Variants in PPTC7 observed in about 807,000 individuals in gnomAD.
PPTC7 encodes protein phosphatase targeting COQ7.
Under a neutral mutation model 30.8 loss-of-function variants are expected in PPTC7, and 6 were observed. The observed-to-expected ratio is 0.19, with a 90% confidence interval of 0.11 to 0.38. The LOEUF (loss-of-function observed/expected upper bound fraction) is 0.38, where lower values mean the gene tolerates loss of function less well. PPTC7 is among the 10% of genes least tolerant of loss of function. The probability of loss-of-function intolerance (pLI) is 1.00; values close to 1 mark genes in which losing one functional copy is unlikely to be tolerated. For missense variants in PPTC7, 218 were observed against 404.8 expected (o/e 0.54, Z 3.96); for synonymous variants, 163 against 168.1 (o/e 0.97, Z 0.23).
chr12:110,547,583 T>C (rs1483075550), intron 2 of PPTC7, among the ~76,000 whole-genome samples: 2 of 152,080 alleles, frequency 1.3e-5, no homozygotes, highest in Admixed American at 1.3e-4. Context: ...CAAAAAAAGA[T>C]GATGTCAAAA....
intron 3 of PPTC7, among the ~76,000 whole-genome samples, chr12:110,545,373 G>GT (rs1182421880): frequency 6.6e-6 from 1 of 152,180 alleles, no homozygotes; most frequent in African/African-American, 2.4e-5. Flanking sequence ...GATTACAGGC[G>GT]TGAGTCACCG....
intron 3 of PPTC7, among the ~76,000 whole-genome samples, chr12:110,543,989 CTG>C (rs1283984614): frequency 6.6e-6 from 1 of 152,210 alleles, no homozygotes; most frequent in African/African-American, 2.4e-5. Context: ...TCTCCAAAAA[CTG>C]TGATCTGAGC....
chr12:110,582,284 T>G (rs2064644022), intron 1 of PPTC7, among the ~76,000 whole-genome samples: 1 of 151,814 alleles, frequency 6.6e-6, no homozygotes, highest in African/African-American at 2.4e-5. Context: ...CCGAAAAGGG[T>G]GAAGATTTGG....
intron 1 of PPTC7, 118 bp from the exon 2 acceptor site, chr12:110,552,086 A>G (rs1383150983): frequency 1.3e-6 from 1 of 756,526 alleles, no homozygotes; most frequent in African/African-American, 1.8e-5. Flanking sequence ...CATTCACTCC[A>G]AAATTCAGAA....
chr12:110,548,293 T>G (rs1364139916), intron 2 of PPTC7, among the ~76,000 whole-genome samples: 1 of 152,216 alleles, frequency 6.6e-6, no homozygotes, highest in African/African-American at 2.4e-5. Flanking sequence ...TCATGGGTAA[T>G]TTTTATTATT....
At chr12:110,549,860 G>A (rs572450777) in intron 2 of PPTC7, among the ~76,000 whole-genome samples, 7 of 152,246 alleles carry the variant, frequency 4.6e-5, no homozygotes, top group Middle Eastern at 3.4e-3. Flanking sequence ...GCAGTCCCCT[G>A]GAATCTGTGT....
intron 1 of PPTC7, among the ~76,000 whole-genome samples, chr12:110,571,258 G>A (rs2064534243): frequency 6.6e-6 from 1 of 151,736 alleles, no homozygotes; most frequent in African/African-American, 2.4e-5. Flanking sequence ...ATCTAATCAA[G>A]CTATTTCAAA....
intron 3 of PPTC7, among the ~76,000 whole-genome samples, chr12:110,543,761 G>C (rs1288675048): frequency 6.6e-6 from 1 of 152,170 alleles, no homozygotes; most frequent in Non-Finnish European, 1.5e-5. Context: ...ATACTGTGCT[G>C]CTGGAAACTT....
intron 1 of PPTC7, among the ~76,000 whole-genome samples, chr12:110,562,511 C>T (rs774729652): frequency 6.6e-6 from 1 of 151,886 alleles, no homozygotes; most frequent in Non-Finnish European, 1.5e-5. Context: ...AAGAAGTTTC[C>T]GGCCCAGTGC....
rs761060104 is a variant in PPTC7, at chr12:110,539,906, T to C, written c.642A>G (p.Leu214=). The C allele has an allele frequency of 2.3e-5, 37 of 1,614,006 alleles. No individual in the cohort carries two copies. The African/African-American group carries it at 4.1e-4, about 18-fold the overall frequency. Reference sequence around the variant, plus strand: ...CTGTTGCCGTCAGGATAATGTCTCCTAGCTGGACATCGAAAGACGTGCTAT... The same window carrying C: ...CTGTTGCCGTCAGGATAATGTCTCCCAGCTGGACATCGAAAGACGTGCTAT... ...AADSTSFDVQ[L]GDIILTATDG... Residue 214 remains leucine (L), a synonymous_variant, in exon 4 of 6, where the codon CTA becomes CTG. Coordinates refer to ENST00000354300, the MANE Select transcript of PPTC7 (RefSeq NM_139283.2).
intron 4 of PPTC7, among the ~76,000 whole-genome samples, chr12:110,539,344 C>G (rs1284712514): frequency 2.6e-5 from 4 of 152,316 alleles, no homozygotes; most frequent in Non-Finnish European, 5.9e-5. Context: ...AGTATGTTCA[C>G]AAAGCCAGGA....
chr12:110,542,673 CAAAAAA>C (rs765332697), intron 3 of PPTC7, among the ~76,000 whole-genome samples: 19 of 26,790 alleles, frequency 7.1e-4, no homozygotes, highest in Middle Eastern at 0.026. Context: ...GACTCTGTCT[CAAAAAA>C]AAAAAAAAAA....
At chr12:110,580,814 C>T (rs1224556555) in intron 1 of PPTC7, among the ~76,000 whole-genome samples, 1 of 151,740 alleles carries the variant, frequency 6.6e-6, no homozygotes, top group African/African-American at 2.4e-5. Flanking sequence ...TGCAGTGGCA[C>T]GATCTTGGCT....
At chr12:110,569,610 G>A (rs1046684470) in intron 1 of PPTC7, among the ~76,000 whole-genome samples, 3 of 152,144 alleles carry the variant, frequency 2.0e-5, no homozygotes, top group African/African-American at 7.2e-5. Context: ...GCCAGTTTAA[G>A]AAACTTTATA....
intron 3 of PPTC7, among the ~76,000 whole-genome samples, chr12:110,545,485 C>T (rs568550022): frequency 6.6e-5 from 10 of 152,314 alleles, no homozygotes; most frequent in African/African-American, 1.7e-4. Flanking sequence ...CAATAAATAA[C>T]GCAGATGTCT....
Position 110,564,272 on chromosome 12 carries a change from A to G in PPTC7, c.224-12304T>C, listed in dbSNP as rs542314012. 2.4e-4 allele frequency among the ~76,000 whole-genome samples: 37 copies of G among 152,352 alleles called. 1 individual carries two copies. The highest frequency in any genetic ancestry group is 6.0e-4 in the African/African-American group (25 of 41,578). ...AAGTTATGAATAGCAGAGACAGGGC[A>G]CTAATTATGTTACAGAAGTAAGGGC... On this transcript the variant is annotated intron_variant, in intron 1 of 5. Transcript: ENST00000354300.
intron 1 of PPTC7, among the ~76,000 whole-genome samples, chr12:110,554,478 C>A (rs1008791113): frequency 6.6e-6 from 1 of 152,116 alleles, no homozygotes; most frequent in Non-Finnish European, 1.5e-5. Flanking sequence ...CATGCCTGGC[C>A]TCTTTTTATT....
In PPTC7 at chr12:110,583,044, C is replaced by A; in HGVS notation, c.-13G>T. The A allele has an allele frequency of 3.6e-6, 5 of 1,387,468 alleles. No individual in the cohort carries two copies. Among genetic ancestry groups the A allele is most frequent in the Non-Finnish European group, 4.6e-6 (5 of 1,081,282 alleles). The allele number at this position is 1,387,468 out of a possible 1,614,324, so 85.9% of individuals were successfully genotyped here. On this transcript the variant is annotated 5_prime_UTR_variant, in exon 1 of 6. Transcript: ENST00000354300. ...GGACCGAGAACATCGCCGCCGCCGC[C>A]CCCCCGAGGAGGCGGGGGGCCGGGG...
rs2064207379 is a variant in PPTC7 at position 110,534,876 on chromosome 12, A to G, written c.*2161T>C. 6.6e-6 allele frequency: 1 copy of G among 152,670 alleles called. No homozygotes were observed. Among genetic ancestry groups the G allele is most frequent in the Admixed American group, 6.5e-5 (1 of 15,282 alleles). 9.5% of individuals were successfully genotyped at this position (152,670 alleles called of 1,614,324 possible). A position where few individuals can be genotyped will look rare whatever the true frequency, so the allele number is the denominator to read the frequency against. On this transcript the variant is annotated 3_prime_UTR_variant, in exon 6 of 6. Transcript: ENST00000354300. ...GGTTAAATGAGAGCAGAGAAAAACC[A>G]GAAACTTGACGAGCACTGCTCTTAC...
Sources: gnomAD v4.1 joint callset for allele counts (sites outside exome capture counted in the v4.1 genomes callset) on GRCh38, gnomAD v4.1.1 for gene constraint, MANE v1.5 for transcripts, NCBI Gene and HGNC (gene_info 2026-07-23, HGNC 2026-07-21) for gene names.